Variants in ADCY9 observed in about 807,000 individuals in gnomAD.
The protein encoded by ADCY9 is adenylate cyclase 9.
Under a neutral mutation model 101.5 loss-of-function variants are expected in ADCY9, and 50 were observed. The ratio of observed to expected loss-of-function variants is 0.49; its 90% CI spans 0.39 to 0.62. ADCY9 has a LOEUF of 0.62. Among genes scored for constraint, ADCY9 ranks in the 20% least tolerant of loss-of-function variants. The pLI, the probability that ADCY9 is intolerant of heterozygous loss-of-function variation, is 0.00. For synonymous variants in ADCY9, 905 were observed against 769.3 expected (o/e 1.18, Z -2.92); for missense variants, 1,662 against 1,800.4 (o/e 0.92, Z 1.39).
chr16:4,096,952 A>G (rs949621538), intron 2 of ADCY9, among the ~76,000 whole-genome samples: 7 of 152,204 alleles, frequency 4.6e-5, no homozygotes, highest in Admixed American at 1.3e-4. Context: ...TTATGCACAA[A>G]GACTACCCTG....
intron 3 of ADCY9, among the ~76,000 whole-genome samples, chr16:3,995,891 A>G (rs1377905821): frequency 6.6e-6 from 1 of 152,238 alleles, no homozygotes; most frequent in Non-Finnish European, 1.5e-5. Flanking sequence ...ATACATGCCA[A>G]AACAGCTAGC....
chr16:4,034,382 C>G (rs766807013), intron 2 of ADCY9, among the ~76,000 whole-genome samples: 1 of 152,198 alleles, frequency 6.6e-6, no homozygotes, highest in East Asian at 1.9e-4. Flanking sequence ...ACCATGCTAA[C>G]CCTCTCCCCA....
chr16:4,050,323 C>T (rs2058166), intron 2 of ADCY9, among the ~76,000 whole-genome samples: 33,503 of 152,048 alleles, frequency 0.22, 4,235 homozygotes, highest in Non-Finnish European at 0.28. Context: ...TAGATACGAG[C>T]GGGACAGATG....
intron 9 of ADCY9, among the ~76,000 whole-genome samples, chr16:3,976,144 G>A (rs887687643): frequency 5.3e-5 from 8 of 151,870 alleles, no homozygotes; most frequent in African/African-American, 9.7e-5. Context: ...GGTGCACACC[G>A]CCATGCCTGG....
chr16:3,995,047 T>G (rs2056276128), intron 3 of ADCY9, among the ~76,000 whole-genome samples: 1 of 152,230 alleles, frequency 6.6e-6, no homozygotes, highest in Non-Finnish European at 1.5e-5. Context: ...ATTCAAACCC[T>G]AGTCAAGTAC....
At chr16:3,954,220 A>C (rs2055895998) in intron 5 of ADCY9, among the ~76,000 whole-genome samples, 1 of 152,222 alleles carries the variant, frequency 6.6e-6, no homozygotes, top group Non-Finnish European at 1.5e-5. Flanking sequence ...TGGCCGGGGC[A>C]GGCTGGGAGC....
Position 4,115,529 on chromosome 16 carries a change from A to G in ADCY9, c.-43-44T>C. 7.0e-7 allele frequency: 1 copy of G among 1,426,968 alleles called. No individual in the cohort carries two copies. Among genetic ancestry groups the G allele is most frequent in the Non-Finnish European group, 9.2e-7 (1 of 1,083,658 alleles). 88.4% of individuals were successfully genotyped at this position (1,426,968 alleles called of 1,614,324 possible). A position where few individuals can be genotyped will look rare whatever the true frequency, so the allele number is the denominator to read the frequency against. On this transcript the variant is annotated intron_variant, in intron 1 of 10. Coordinates refer to ENST00000294016, the MANE Select transcript of ADCY9 (RefSeq NM_001116.4). The surrounding 1 kb of genome is among the most constrained non-coding windows in gnomAD (Gnocchi z 6.2). ...GAGTTAGCGGCGCTCCCACCTAGGCATGCACGCCTAGAGGCCCGGGACCTG... is the reference window on the plus strand; with the variant it reads ...GAGTTAGCGGCGCTCCCACCTAGGCGTGCACGCCTAGAGGCCCGGGACCTG...
At chr16:4,072,985 A>C (rs2056843792) in intron 2 of ADCY9, among the ~76,000 whole-genome samples, 2 of 97,836 alleles carry the variant, frequency 2.0e-5, no homozygotes, top group South Asian at 1.1e-3. Flanking sequence ...AAACCTTCAT[A>C]TCCTAAAAGA....
chr16:3,969,576 A>ATATATATATATG (rs2056030281), intron 10 of ADCY9, among the ~76,000 whole-genome samples: 1 of 27,186 alleles, frequency 3.7e-5, no homozygotes, highest in Non-Finnish European at 5.7e-5. Context: ...TGAAATATAT[A>ATATATATATATG]TATATATATA....
chr16:4,084,124 G>C (rs1223120741), intron 2 of ADCY9, among the ~76,000 whole-genome samples: 6 of 151,042 alleles, frequency 4.0e-5, no homozygotes, highest in African/African-American at 9.7e-5. Context: ...TTTTGTTTTT[G>C]TTTTTGACAC....
chr16:4,072,994 GAAAA>G lies in ADCY9; in HGVS notation c.1693+40752_1693+40755del, dbSNP rs59730727. On this transcript the variant is annotated intron_variant, in intron 2 of 10. Transcript: ENST00000294016. ...CAACACAAACCTTCATATCCTAAAA[GAAAA>G]AAAAAAAAAAAAGAAACAAACAAAA... Among the ~76,000 whole-genome samples, 31 of 129,682 alleles carry G rather than the reference GAAAA, an allele frequency of 2.4e-4. No homozygotes were observed. The South Asian group carries it at 2.9e-3, about 12-fold the overall frequency. The allele number at this position is 129,682 out of a possible 152,430, so 85.1% of individuals were successfully genotyped here. A position where few individuals can be genotyped will look rare whatever the true frequency, so the allele number is the denominator to read the frequency against.
chr16:4,001,784 C>A (rs1033696244), intron 3 of ADCY9, among the ~76,000 whole-genome samples: 2 of 149,266 alleles, frequency 1.3e-5, no homozygotes, highest in African/African-American at 2.5e-5. Flanking sequence ...GAATCTCACT[C>A]TGTTGCCCAG....
intron 10 of ADCY9, among the ~76,000 whole-genome samples, chr16:3,971,627 T>C (rs1417081301): frequency 6.6e-6 from 1 of 152,134 alleles, no homozygotes; most frequent in African/African-American, 2.4e-5. Flanking sequence ...CTCTGGTTGA[T>C]TGTAAATAGA....
chr16:4,072,102 C>T (rs2056838265), intron 2 of ADCY9, among the ~76,000 whole-genome samples: 1 of 152,216 alleles, frequency 6.6e-6, no homozygotes, highest in Non-Finnish European at 1.5e-5. Flanking sequence ...GCCTGTGAAT[C>T]TCCCTTGTTT....
At chr16:4,063,137 C>A (rs972115492) in intron 2 of ADCY9, among the ~76,000 whole-genome samples, 7 of 152,112 alleles carry the variant, frequency 4.6e-5, no homozygotes, top group African/African-American at 1.2e-4. Flanking sequence ...GAATTAAAAT[C>A]ATATAAAGCA....
At chr16:4,061,923 T>C (rs1382609916) in intron 2 of ADCY9, among the ~76,000 whole-genome samples, 2 of 152,214 alleles carry the variant, frequency 1.3e-5, no homozygotes, top group African/African-American at 2.4e-5. Flanking sequence ...TACAAAGATA[T>C]CATATACATG....
At chr16:4,007,203 A>G (rs918421347) in intron 3 of ADCY9, among the ~76,000 whole-genome samples, 165 bp downstream of exon 3, 3 of 152,212 alleles carry the variant, frequency 2.0e-5, no homozygotes, top group Non-Finnish European at 4.4e-5. Context: ...TTAAAAATGC[A>G]GAATGCTACT....
intron 2 of ADCY9, among the ~76,000 whole-genome samples, chr16:4,042,680 TAAC>T (rs1384571977): frequency 2.0e-5 from 3 of 152,224 alleles, no homozygotes; most frequent in Non-Finnish European, 1.5e-5. Context: ...TATACTGTGA[TAAC>T]AACAACAAAA....
At chr16:4,097,180 G>A (rs1432535026) in intron 2 of ADCY9, among the ~76,000 whole-genome samples, 2 of 151,752 alleles carry the variant, frequency 1.3e-5, no homozygotes, top group African/African-American at 2.4e-5. Flanking sequence ...TGCGCCCCAC[G>A]CCCTCAGCGC....
Sources: allele counts gnomAD v4.1 joint callset (sites outside exome capture counted in the v4.1 genomes callset), GRCh38; gene constraint gnomAD v4.1.1; non-coding constraint Gnocchi (gnomAD v3.1); transcripts MANE v1.5; gene names NCBI Gene and HGNC (gene_info 2026-07-23, HGNC 2026-07-21).